Variants in UGCG observed in about 807,000 individuals in gnomAD.
The protein encoded by UGCG is UDP-glucose ceramide glucosyltransferase.
UGCG carries 10 observed loss-of-function variants against 49.5 expected under a neutral mutation model. That is an observed-to-expected ratio of 0.20 (90% CI 0.12 to 0.34). The LOEUF is 0.34. UGCG is among the 10% of genes least tolerant of loss of function. The pLI is 1.00. For missense variants in UGCG, 312 were observed against 483.7 expected (o/e 0.65, Z 3.33); for synonymous variants, 182 against 158.2 (o/e 1.15, Z -1.13).
intron 1 of UGCG, among the ~76,000 whole-genome samples, chr9:111,902,392 A>G (rs2131713677): frequency 6.6e-6 from 1 of 152,334 alleles, no homozygotes; most frequent in Non-Finnish European, 1.5e-5. Context: ...TGTGCTTTAT[A>G]TTGCTTATGA....
intron 1 of UGCG, among the ~76,000 whole-genome samples, chr9:111,913,673 C>T (rs988342277): frequency 1.3e-5 from 2 of 150,044 alleles, no homozygotes; most frequent in African/African-American, 4.9e-5. Flanking sequence ...CTCCTGACCT[C>T]AAGTGATCCA....
chr9:111,926,899 G>A (rs2594346), intron 5 of UGCG, among the ~76,000 whole-genome samples: 4 of 100,132 alleles, frequency 4.0e-5, no homozygotes, highest in Non-Finnish European at 7.3e-5. Context: ...TTGCGACAGA[G>A]CCTTGCTCTG....
Position 111,932,305 on chromosome 9 carries a change from G to A in UGCG, c.960G>A (p.Met320Ile). 6.2e-7 allele frequency: 1 copy of A among 1,614,156 alleles called. No individual in the cohort carries two copies. The highest frequency in any genetic ancestry group is 8.5e-7 in the Non-Finnish European group (1 of 1,180,032). Residue 320 changes from methionine to isoleucine, a missense_variant, in exon 8 of 9, where the codon ATG becomes ATA. Met to Ile is a conservative substitution (Grantham distance 10). Coordinates refer to ENST00000374279, the MANE Select transcript of UGCG (RefSeq NM_003358.3). The part of the protein sequence containing the change: ...VFRWDIMVFF[M>I]CHCLAWFIFD... ...GATGGGATATTATGGTATTTTTCAT[G>A]TGTCATTGCCTGGCATGGTTTATAT... is the stretch of plus-strand genomic sequence containing the variant.
At position 111,932,807 on chromosome 9, in the gene UGCG, ATT is replaced by A; in HGVS notation, c.1015-12_1015-11del. On this transcript the variant is annotated intron_variant, in intron 8 of 8. Transcript: ENST00000374279. ...GTTTGACAGTGAGTGAAATTAAAAA[ATT>A]TTTTTTTCCATTCCTAGGGTGGCAC... 1 of 1,523,062 alleles carries A rather than the reference ATT, an allele frequency of 6.6e-7. No individual in the cohort carries two copies. The highest frequency in any genetic ancestry group is 8.8e-7 in the Non-Finnish European group (1 of 1,134,018). The allele number at this position is 1,523,062 out of a possible 1,614,324, so 94.3% of individuals were successfully genotyped here.
At position 111,898,735 on chromosome 9, in the gene UGCG, T is replaced by C. The variant is rs541944879; in HGVS notation, c.98+1422T>C. Reference sequence around the variant, plus strand: ...GAGAGAGATGGAGAAAATTAAAATATGCACACACCAAAACTACATTACCTT... The same window carrying C: ...GAGAGAGATGGAGAAAATTAAAATACGCACACACCAAAACTACATTACCTT... On this transcript the variant is annotated intron_variant, in intron 1 of 8. Transcript: ENST00000374279. Among the ~76,000 whole-genome samples the C allele has an allele frequency of 1.5e-4, 23 of 152,308 alleles. 1 individual carries two copies. In the South Asian group the frequency reaches 4.1e-3, roughly 27 times the overall value.
At chr9:111,903,038 A>G (rs891434237) in intron 1 of UGCG, among the ~76,000 whole-genome samples, 1 of 152,110 alleles carries the variant, frequency 6.6e-6, no homozygotes, top group African/African-American at 2.4e-5. Context: ...TCAGCCCAGC[A>G]AAGTGCTGGG....
chr9:111,929,469 T>G (rs1285285581), intron 5 of UGCG, 31 bp from the exon 6 acceptor site: 1 of 1,583,006 alleles, frequency 6.3e-7, no homozygotes, highest in South Asian at 1.2e-5. Flanking sequence ...CATGAAATTC[T>G]AATCATACAC....
chr9:111,920,884 G>A (rs1221445501), intron 2 of UGCG, among the ~76,000 whole-genome samples: 2 of 151,348 alleles, frequency 1.3e-5, no homozygotes, highest in Non-Finnish European at 2.9e-5. Flanking sequence ...AAAAATGTTC[G>A]ACCAGTTTTA....
At chr9:111,932,070 C>T (rs1452504077) in intron 7 of UGCG, 100 bp from the exon 8 acceptor site, 2 of 1,232,986 alleles carry the variant, frequency 1.6e-6, no homozygotes, top group Non-Finnish European at 2.3e-6. Context: ...AATGGTCTTT[C>T]TATCACAGGG....
intron 2 of UGCG, among the ~76,000 whole-genome samples, chr9:111,920,229 GA>G (rs1456234770): frequency 6.6e-6 from 1 of 152,086 alleles, no homozygotes; most frequent in Non-Finnish European, 1.5e-5. Flanking sequence ...AAAGTATGAG[GA>G]AAATATACAT....
At chr9:111,906,239 A>G (rs1837879968) in intron 1 of UGCG, among the ~76,000 whole-genome samples, 1 of 151,792 alleles carries the variant, frequency 6.6e-6, no homozygotes, top group South Asian at 2.1e-4. Context: ...ACTCTTTCCC[A>G]TCTCTCATTG....
At chr9:111,902,949 T>C (rs1837806689) in intron 1 of UGCG, among the ~76,000 whole-genome samples, 1 of 152,162 alleles carries the variant, frequency 6.6e-6, no homozygotes, top group Non-Finnish European at 1.5e-5. Flanking sequence ...CGCTAATTTT[T>C]GTACTTTCAG....
chr9:111,904,760 G>A (rs1837847294), intron 1 of UGCG, among the ~76,000 whole-genome samples: 2 of 152,156 alleles, frequency 1.3e-5, no homozygotes, highest in South Asian at 4.1e-4. Flanking sequence ...TACTCCGGAG[G>A]CTGAGGCAGG....
At chr9:111,927,703 T>A (rs7043273) in intron 5 of UGCG, among the ~76,000 whole-genome samples, 1 of 151,802 alleles carries the variant, frequency 6.6e-6, no homozygotes, top group African/African-American at 2.4e-5. Flanking sequence ...CACCCTCCTC[T>A]GCCTCCCAAA....
At chr9:111,905,802 A>G (rs1304229056) in intron 1 of UGCG, among the ~76,000 whole-genome samples, 1 of 152,144 alleles carries the variant, frequency 6.6e-6, no homozygotes, top group Non-Finnish European at 1.5e-5. Flanking sequence ...CTTCTTGGCC[A>G]TCTTCTAAGA....
chr9:111,903,480 G>A (rs141044355), intron 1 of UGCG, among the ~76,000 whole-genome samples: 6,889 of 152,248 alleles, frequency 0.045, 524 homozygotes, highest in African/African-American at 0.16. Flanking sequence ...CAGGAGAATC[G>A]CTTGAACCCA....
At chr9:111,925,009 G>A in intron 4 of UGCG, 131 bp downstream of exon 4, 1 of 394,068 alleles carries the variant, frequency 2.5e-6, no homozygotes, top group Non-Finnish European at 4.2e-6. Flanking sequence ...TCATTTCATG[G>A]TAATATGTCC....
chr9:111,924,101 A>G (rs1564204029), intron 3 of UGCG, among the ~76,000 whole-genome samples: 2 of 152,206 alleles, frequency 1.3e-5, no homozygotes, highest in Non-Finnish European at 2.9e-5. Flanking sequence ...GTGTGTTTAC[A>G]TTTAATAAAC....
At chr9:111,907,598 T>C (rs2131718501) in intron 1 of UGCG, among the ~76,000 whole-genome samples, 1 of 152,136 alleles carries the variant, frequency 6.6e-6, no homozygotes, top group East Asian at 1.9e-4. Context: ...TTCTGGACTG[T>C]TGACTCCAGC....
Sources: gnomAD v4.1 joint callset for allele counts (sites outside exome capture counted in the v4.1 genomes callset) on GRCh38, gnomAD v4.1.1 for gene constraint, MANE v1.5 for transcripts, NCBI Gene and HGNC (gene_info 2026-07-23, HGNC 2026-07-21) for gene names.